Variants in ABCG2 observed in about 807,000 individuals in gnomAD.
ABCG2 encodes ATP binding cassette subfamily G member 2 (JR blood group), also known as broad substrate specificity ATP-binding cassette transporter ABCG2.
Under a neutral mutation model 73.5 loss-of-function variants are expected in ABCG2, and 80 were observed. The observed-to-expected ratio is 1.09, with a 90% CI of 0.91 to 1.31. The LOEUF (loss-of-function observed/expected upper bound fraction) is 1.31. Among genes scored for constraint, ABCG2 ranks in the 50% most tolerant of loss-of-function variants. The probability of loss-of-function intolerance (pLI) is 0.00; values close to 1 mark genes in which losing one functional copy is unlikely to be tolerated. For synonymous variants in ABCG2, 269 were observed against 282.4 expected (o/e 0.95, Z 0.48); for missense variants, 796 against 786.2 (o/e 1.01, Z -0.15).
intron 11 of ABCG2, among the ~76,000 whole-genome samples, 183 bp downstream of exon 11, chr4:88,101,047 T>G (rs1394859128): frequency 6.6e-6 from 1 of 152,158 alleles, no homozygotes; most frequent in Non-Finnish European, 1.5e-5. Flanking sequence ...TATACATATT[T>G]TCAAAACATC....
intron 1 of ABCG2, chr4:88,206,498 G>A (rs1241566057): frequency 1.3e-5 from 2 of 152,090 alleles, no homozygotes; most frequent in African/African-American, 4.8e-5. Context: ...AGGCCCGAGG[G>A]CCTCTTCCAT....
intron 9 of ABCG2, among the ~76,000 whole-genome samples, chr4:88,111,296 T>G (rs1723117398): frequency 1.3e-5 from 2 of 152,244 alleles, no homozygotes; most frequent in African/African-American, 4.8e-5. Flanking sequence ...CCTACCAGAC[T>G]GATTTCCAAA....
rs1721678297 is a variant in ABCG2, at chr4:88,092,180, A to C, written c.*54T>G. On this transcript the variant is annotated 3_prime_UTR_variant, in exon 16 of 16. Transcript: ENST00000237612. Reference sequence around the variant, plus strand: ...CAAAAAAACTTGATTGAATACTTCAATCAAAGTGCTTCTTTTTTATGTGAG... The same window carrying C: ...CAAAAAAACTTGATTGAATACTTCACTCAAAGTGCTTCTTTTTTATGTGAG... 5 of 1,517,238 alleles carry C rather than the reference A, an allele frequency of 3.3e-6. No homozygotes were observed. The highest frequency in any genetic ancestry group is 4.5e-6 in the Non-Finnish European group (5 of 1,118,818). The allele number at this position is 1,517,238 out of a possible 1,614,324, so 94.0% of individuals were successfully genotyped here. A position where few individuals can be genotyped will look rare whatever the true frequency, so the allele number is the denominator to read the frequency against.
At chr4:88,135,079 G>A (rs938525786) in intron 2 of ABCG2, among the ~76,000 whole-genome samples, 2 of 152,234 alleles carry the variant, frequency 1.3e-5, no homozygotes, top group East Asian at 1.9e-4. Flanking sequence ...CAACACAGAC[G>A]CATGGCCCAC....
intron 10 of ABCG2, among the ~76,000 whole-genome samples, chr4:88,104,350 C>T (rs1722634169): frequency 6.6e-6 from 1 of 152,138 alleles, no homozygotes; most frequent in South Asian, 2.1e-4. Context: ...AATATTCACC[C>T]CTGAACAAAA....
At chr4:88,151,430 G>A (rs1224639822) in intron 1 of ABCG2, among the ~76,000 whole-genome samples, 7 of 152,202 alleles carry the variant, frequency 4.6e-5, no homozygotes, top group African/African-American at 9.6e-5. Context: ...TTCAATCATC[G>A]GAATTGCAGT....
intron 1 of ABCG2, among the ~76,000 whole-genome samples, chr4:88,211,659 C>T (rs1578282137): frequency 6.6e-6 from 1 of 152,108 alleles, no homozygotes; most frequent in South Asian, 2.1e-4. Flanking sequence ...CCACGTGATC[C>T]GCTTACCTTT....
At chr4:88,229,596 T>C (rs1478985688) in intron 1 of ABCG2, among the ~76,000 whole-genome samples, 4 of 152,196 alleles carry the variant, frequency 2.6e-5, no homozygotes, top group Admixed American at 1.3e-4. Flanking sequence ...AGATTCTATT[T>C]CCAGGATAGG....
chr4:88,122,037 T>TA, intron 5 of ABCG2, among the ~76,000 whole-genome samples: 1 of 152,178 alleles, frequency 6.6e-6, no homozygotes, highest in South Asian at 2.1e-4. Flanking sequence ...GGTGAGGCTA[T>TA]GCCTCACCCA....
In ABCG2 at chr4:88,097,503, C is replaced by A; in HGVS notation, c.1597G>T (p.Val533Leu). 1 of 1,614,154 alleles carries A rather than the reference C, an allele frequency of 6.2e-7. No individual in the cohort carries two copies. Among genetic ancestry groups the A allele is most frequent in the Non-Finnish European group, 8.5e-7 (1 of 1,180,004 alleles). Reference protein sequence around the residue: ...MALAIAAGQSVVSVATLLMTI... With the variant: ...MALAIAAGQSLVSVATLLMTI... ...ATGAGAAGTGTTGCTACAGAAACCACACTCTGACCTGCTGCTATGGCCAGT... is the reference window on the plus strand; with the variant it reads ...ATGAGAAGTGTTGCTACAGAAACCAAACTCTGACCTGCTGCTATGGCCAGT... Residue 533 changes from valine to leucine, a missense_variant, in exon 13 of 16, where the codon GTG (valine) becomes TTG (leucine). Val to Leu is a conservative substitution (Grantham distance 32). Transcript: ENST00000237612.
At chr4:88,187,269 A>C (rs1264355074) in intron 1 of ABCG2, among the ~76,000 whole-genome samples, 1 of 152,078 alleles carries the variant, frequency 6.6e-6, no homozygotes, top group Non-Finnish European at 1.5e-5. Context: ...TTTATTGTAC[A>C]TCTTAAAATA....
intron 5 of ABCG2, among the ~76,000 whole-genome samples, chr4:88,126,109 C>T (rs1415705335): frequency 6.6e-6 from 1 of 152,094 alleles, no homozygotes; most frequent in Admixed American, 6.6e-5. Context: ...AATCACTGAT[C>T]CCACAGAAAT....
At chr4:88,130,923 C>A in intron 5 of ABCG2, 138 bp downstream of exon 5, 1 of 967,586 alleles carries the variant, frequency 1.0e-6, no homozygotes, top group Non-Finnish European at 1.5e-6. Context: ...ATGTAACAAG[C>A]CACTTTTCTC....
At chr4:88,197,680 C>T (rs1420546428) in intron 1 of ABCG2, among the ~76,000 whole-genome samples, 3 of 151,986 alleles carry the variant, frequency 2.0e-5, no homozygotes, top group African/African-American at 4.8e-5. Context: ...TGGCATGTGG[C>T]TGTAGTCCTA....
chr4:88,119,863 C>G (rs112973614), intron 6 of ABCG2, among the ~76,000 whole-genome samples: 2 of 151,954 alleles, frequency 1.3e-5, no homozygotes, highest in African/African-American at 4.8e-5. Flanking sequence ...CCTGATGATG[C>G]GATAAAAAAG....
Position 88,222,210 on chromosome 4 carries a change from G to T in ABCG2, c.-20+8784C>A, listed in dbSNP as rs1296141374. ...TGCAGGTGTGCAGAAGTCAAGAATT[G>T]AGTCTGGGAACCTCCGCCTACATTT... On this transcript the variant is annotated intron_variant, in intron 1 of 15. Coordinates refer to the ABCG2 transcript ENST00000515655. Among the ~76,000 whole-genome samples the T allele has an allele frequency of 2.0e-5, 3 of 152,060 alleles. 1 individual carries two copies. The highest frequency in any genetic ancestry group is 4.4e-5 in the Non-Finnish European group (3 of 68,024).
intron 1 of ABCG2, among the ~76,000 whole-genome samples, chr4:88,183,063 C>T (rs374759361): frequency 1.1e-3 from 140 of 131,674 alleles, no homozygotes; most frequent in Middle Eastern, 4.6e-3. Flanking sequence ...CCAGCCTGGG[C>T]GACAGAGTGA....
At chr4:88,185,009 C>T (rs1246479593) in intron 1 of ABCG2, among the ~76,000 whole-genome samples, 1 of 152,184 alleles carries the variant, frequency 6.6e-6, no homozygotes, top group Non-Finnish European at 1.5e-5. Context: ...AAGAATGAAT[C>T]TAGACCCCTA....
At position 88,133,870 on chromosome 4, in the gene ABCG2, T is replaced by G. The variant is rs373287256; in HGVS notation, c.204-1235A>C. 2.1e-3 allele frequency among the ~76,000 whole-genome samples: 317 copies of G among 151,950 alleles called. 1 individual carries two copies. The highest frequency in any genetic ancestry group is 7.2e-3 in the African/African-American group (299 of 41,458). ...AAAATTAGCCAGACACGGTGGTGGG[T>G]GCCTGCAATCCCAGCTACTCGGGAG... On this transcript the variant is annotated intron_variant, in intron 2 of 15. Transcript: ENST00000237612.
Sources: gnomAD v4.1 joint callset for allele counts (sites outside exome capture counted in the v4.1 genomes callset) on GRCh38, gnomAD v4.1.1 for gene constraint, MANE v1.5 for transcripts, NCBI Gene and HGNC (gene_info 2026-07-23, HGNC 2026-07-21) for gene names.